The following CUX2 variants were observed in gnomAD, a reference collection of about 807,000 sequenced individuals.
The protein encoded by CUX2 is homeobox protein cut-like 2.
In CUX2, 40 loss-of-function variants were observed where a neutral mutation model predicts 144.8. The observed-to-expected ratio is 0.28, with a 90% CI of 0.21 to 0.36. The LOEUF is 0.36. Ranked by LOEUF, CUX2 falls within the 10% of genes least tolerant of loss-of-function variation. CUX2 has a pLI of 1.00. For missense variants in CUX2, 1,615 were observed against 1,994.0 expected (o/e 0.81, Z 3.62); for synonymous variants, 827 against 875.6 (o/e 0.94, Z 0.98).
intron 1 of CUX2, among the ~76,000 whole-genome samples, chr12:111,197,880 G>A (rs1279296192): frequency 1.3e-5 from 2 of 152,156 alleles, no homozygotes; most frequent in Non-Finnish European, 2.9e-5. Flanking sequence ...TAAAACATCA[G>A]GATGTGCTCA....
chr12:111,148,564 C>G (rs1876845461), intron 1 of CUX2, among the ~76,000 whole-genome samples: 4 of 152,164 alleles, frequency 2.6e-5, no homozygotes, highest in Admixed American at 2.6e-4. Context: ...GTACTTCTTT[C>G]ATTATTACTA....
chr12:111,205,389 G>A (rs1880859749), intron 1 of CUX2, among the ~76,000 whole-genome samples: 1 of 152,092 alleles, frequency 6.6e-6, no homozygotes, highest in Non-Finnish European at 1.5e-5. Context: ...TGCAGAATAG[G>A]ACATTTGCTC....
At chr12:111,162,330 G>T (rs11065822) in intron 1 of CUX2, among the ~76,000 whole-genome samples, 36,845 of 152,212 alleles carry the variant, frequency 0.24, 6,136 homozygotes, top group Non-Finnish European at 0.36. Flanking sequence ...CCTTGGAGCT[G>T]TGGGCTTCTC....
At position 111,320,536 on chromosome 12, in the gene CUX2, G is replaced by A; in HGVS notation, c.2527G>A (p.Glu843Lys). 6.4e-7 allele frequency: 1 copy of A among 1,554,298 alleles called. No homozygotes were observed. The highest frequency in any genetic ancestry group is 2.4e-5 in the East Asian group (1 of 42,094). The change falls in exon 17 of 22, where the codon GAG becomes AAG. Residue 843 changes from glutamate to lysine, a missense_variant. By Grantham distance (56) the Glu-to-Lys change is moderately conservative. Coordinates refer to ENST00000261726, the MANE Select transcript of CUX2 (RefSeq NM_015267.4). This position sits in a 1 kb window ranked among gnomAD's most constrained non-coding sequence, Gnocchi z 8.1. ...CGAGGACGAGGCGGCGGCAGGGGCG[G>A]AGGACGAACCCCCCAGGACGGGCGA... ...PPEDEAAAGA[E>K]DEPPRTGELK...
chr12:111,147,842 A>T (rs1876790457), intron 1 of CUX2, among the ~76,000 whole-genome samples: 1 of 152,168 alleles, frequency 6.6e-6, no homozygotes, highest in Non-Finnish European at 1.5e-5. Flanking sequence ...GTCTCAGCAA[A>T]CGAGTCCTCC....
chr12:111,323,778 C>T (rs923362521), intron 18 of CUX2, among the ~76,000 whole-genome samples: 9 of 151,974 alleles, frequency 5.9e-5, no homozygotes, highest in African/African-American at 2.2e-4. Flanking sequence ...AAAAGGAGGC[C>T]GAGCACAGTG....
chr12:111,203,449 G>A (rs747601688), intron 1 of CUX2, among the ~76,000 whole-genome samples: 4 of 151,798 alleles, frequency 2.6e-5, no homozygotes, highest in Non-Finnish European at 4.4e-5. Context: ...GAAGGCTGAG[G>A]TGGGAGGATC....
At position 111,246,938 on chromosome 12, in the gene CUX2, C is replaced by T. The variant is rs1883309255; in HGVS notation, c.223-16823C>T. ...TCTTTCTGACTCTAGGACTGAGGGG[C>T]TGGGGCTGTGTTTTGTTCATCTTGG... On this transcript the variant is annotated intron_variant, in intron 3 of 21. Coordinates refer to ENST00000261726, the MANE Select transcript of CUX2 (RefSeq NM_015267.4). The surrounding 1 kb of genome is among the most constrained non-coding windows in gnomAD (Gnocchi z 4.0). 6.6e-6 allele frequency among the ~76,000 whole-genome samples: 1 copy of T among 152,180 alleles called. No homozygotes were observed. The highest frequency in any genetic ancestry group is 2.1e-4 in the South Asian group (1 of 4,824).
chr12:111,191,590 T>C (rs1879892035), intron 1 of CUX2, among the ~76,000 whole-genome samples: 1 of 152,136 alleles, frequency 6.6e-6, no homozygotes, highest in Non-Finnish European at 1.5e-5. Flanking sequence ...CCCCCCAAAG[T>C]GTCGGGATTA....
intron 1 of CUX2, among the ~76,000 whole-genome samples, chr12:111,136,043 G>C (rs561914782): frequency 5.2e-4 from 79 of 152,292 alleles, no homozygotes; most frequent in Non-Finnish European, 1.5e-5. Context: ...GAGGACTTCA[G>C]CCTTTGCTCT....
At chr12:111,157,755 A>ATCTCAAC (rs1358925761) in intron 1 of CUX2, among the ~76,000 whole-genome samples, 4 of 152,248 alleles carry the variant, frequency 2.6e-5, no homozygotes, top group Non-Finnish European at 5.9e-5. Flanking sequence ...CTGCCTCATA[A>ATCTCAAC]GTCATTCTTA....
At chr12:111,214,432 A>G (rs1028300183) in intron 2 of CUX2, 122 bp downstream of exon 2, 29 of 600,004 alleles carry the variant, frequency 4.8e-5, no homozygotes, top group Non-Finnish European at 6.8e-5. Context: ...ATTAGCCACA[A>G]AGAAAAATGA....
In CUX2 at chr12:111,160,670, G is replaced by A. The variant is rs575551537; in HGVS notation, c.64-53530G>A. 4.6e-5 allele frequency among the ~76,000 whole-genome samples: 7 copies of A among 152,276 alleles called. No homozygotes were observed. The highest frequency in any genetic ancestry group is 3.4e-3 in the Middle Eastern group (1 of 294). On this transcript the variant is annotated intron_variant, in intron 1 of 21. Coordinates refer to ENST00000261726, the MANE Select transcript of CUX2 (RefSeq NM_015267.4). This position sits in a 1 kb window ranked among gnomAD's most constrained non-coding sequence, Gnocchi z 4.1. ...ATGGAGGGCTATGCAGAGGAGTGAC[G>A]CAGTCCAGTGGCATTTTCAGGGGAT...
chr12:111,116,150 A>G (rs1264625325), intron 1 of CUX2, among the ~76,000 whole-genome samples: 2 of 152,222 alleles, frequency 1.3e-5, no homozygotes, highest in African/African-American at 2.4e-5. Flanking sequence ...ATGATTTTTA[A>G]AAATGAAATT....
At chr12:111,251,792 T>G (rs1883573481) in intron 3 of CUX2, among the ~76,000 whole-genome samples, 2 of 152,280 alleles carry the variant, frequency 1.3e-5, no homozygotes, top group South Asian at 4.1e-4. Context: ...GGTCTTGCAC[T>G]GGCCTCATTA....
At chr12:111,064,665 T>G (rs1870948625) in intron 1 of CUX2, among the ~76,000 whole-genome samples, 1 of 152,238 alleles carries the variant, frequency 6.6e-6, no homozygotes, top group Non-Finnish European at 1.5e-5. Flanking sequence ...CCTACTTTTA[T>G]CATGCACCTT....
In CUX2 at chr12:111,077,502, C is replaced by T. The variant is rs563757654; in HGVS notation, c.63+43262C>T. Among the ~76,000 whole-genome samples the T allele has an allele frequency of 1.2e-4, 18 of 152,254 alleles. No homozygotes were observed. The highest frequency in any genetic ancestry group is 3.4e-4 in the African/African-American group (14 of 41,528). On this transcript the variant is annotated intron_variant, in intron 1 of 21. Coordinates refer to ENST00000261726, the MANE Select transcript of CUX2 (RefSeq NM_015267.4). The surrounding 1 kb of genome is among the most constrained non-coding windows in gnomAD (Gnocchi z 4.1). ...CTGAATAATTTACGGTCCCTCGGAGCGGCGAGGAGCAGGTCACTGGAGTTC... is the reference window on the plus strand; with the variant it reads ...CTGAATAATTTACGGTCCCTCGGAGTGGCGAGGAGCAGGTCACTGGAGTTC...
rs1871303384 is a variant in CUX2 at position 111,072,778 on chromosome 12, G to A, written c.63+38538G>A. ...ATGTCCTCTTCCCAGCCCCATCAAG[G>A]CAGGGAGCCCTTTGAGGGCAGGGAC... On this transcript the variant is annotated intron_variant, in intron 1 of 21. Coordinates refer to ENST00000261726, the MANE Select transcript of CUX2 (RefSeq NM_015267.4). 2.6e-5 allele frequency among the ~76,000 whole-genome samples: 4 copies of A among 152,190 alleles called. No homozygotes were observed. In the South Asian group the frequency reaches 8.3e-4, roughly 31 times the overall value.
chr12:111,213,794 A>G (rs886794443), intron 1 of CUX2, among the ~76,000 whole-genome samples: 3 of 152,138 alleles, frequency 2.0e-5, no homozygotes, highest in Admixed American at 6.5e-5. Flanking sequence ...TAATATGCCC[A>G]TACAATATGC....
Sources: gnomAD v4.1 joint callset for allele counts (sites outside exome capture counted in the v4.1 genomes callset) on GRCh38, gnomAD v4.1.1 for gene constraint, Gnocchi (gnomAD v3.1) non-coding constraint, MANE v1.5 for transcripts, NCBI Gene and HGNC (gene_info 2026-07-23, HGNC 2026-07-21) for gene names.